SGCD: variants seen among roughly 807,000 people sequenced by gnomAD.
The protein encoded by SGCD is delta-sarcoglycan.
A neutral mutation model predicts 36.6 loss-of-function variants in SGCD; 18 were observed. That is an observed-to-expected ratio of 0.49 (90% CI 0.34 to 0.73). SGCD has a LOEUF of 0.73. SGCD is among the 30% of genes least tolerant of loss of function. The probability of loss-of-function intolerance (pLI) is 0.01; values close to 1 mark genes in which losing one functional copy is unlikely to be tolerated. For synonymous variants in SGCD, 133 were observed against 130.6 expected (o/e 1.02, Z -0.12); for missense variants, 387 against 346.7 (o/e 1.12, Z -0.92).
intron 3 of SGCD, among the ~76,000 whole-genome samples, chr5:156,318,855 C>T (rs992251284): frequency 2.6e-5 from 4 of 152,190 alleles, no homozygotes; most frequent in African/African-American, 9.7e-5. Context: ...CTTGGCCTCC[C>T]AAAGTGCTGG....
chr5:155,815,404 C>T, the SGCD span, among the ~76,000 whole-genome samples: 1,363 of 152,248 alleles, frequency 9.0e-3, 20 homozygotes, highest in African/African-American at 0.031. Flanking sequence ...TATAGTAAAA[C>T]TAAATCCATT....
At chr5:156,682,552 A>C (rs1424729592) in intron 7 of SGCD, among the ~76,000 whole-genome samples, 1 of 152,248 alleles carries the variant, frequency 6.6e-6, no homozygotes, top group African/African-American at 2.4e-5. Flanking sequence ...TTCTGCCGAA[A>C]AGGCAGTATA....
intron 3 of SGCD, among the ~76,000 whole-genome samples, chr5:156,448,647 A>G (rs1753850290): frequency 6.6e-6 from 1 of 151,526 alleles, no homozygotes; most frequent in African/African-American, 2.4e-5. Flanking sequence ...TTCCAGGGAC[A>G]GGCAACTCAT....
chr5:156,468,776 G>A (rs554495634), intron 3 of SGCD, among the ~76,000 whole-genome samples: 1 of 152,306 alleles, frequency 6.6e-6, no homozygotes, highest in East Asian at 1.9e-4. Context: ...TGGATCACTT[G>A]AGGTCAGGAG....
chr5:156,207,288 T>G (rs946653152), intron 3 of SGCD, among the ~76,000 whole-genome samples: 1 of 152,166 alleles, frequency 6.6e-6, no homozygotes, highest in South Asian at 2.1e-4. Context: ...TAGGAAAAAA[T>G]TCAGTAAAAT....
intron 1 of SGCD, among the ~76,000 whole-genome samples, chr5:156,048,032 G>A (rs1403380167): frequency 1.3e-5 from 2 of 151,708 alleles, no homozygotes; most frequent in Non-Finnish European, 2.9e-5. Context: ...TCCATGTGTT[G>A]TCATTGTTCA....
intron 1 of SGCD, among the ~76,000 whole-genome samples, chr5:155,982,461 C>A (rs561090594): frequency 6.6e-5 from 10 of 152,252 alleles, no homozygotes; most frequent in African/African-American, 9.6e-5. Flanking sequence ...TGAAAACATT[C>A]TTTTCCAATC....
chr5:155,981,391 G>A (rs1223740968), intron 1 of SGCD, among the ~76,000 whole-genome samples: 1 of 152,146 alleles, frequency 6.6e-6, no homozygotes, highest in Admixed American at 6.5e-5. Flanking sequence ...GGAATCTATA[G>A]TATAGCAGTA....
intron 1 of SGCD, among the ~76,000 whole-genome samples, chr5:156,019,844 C>G (rs1474672329): frequency 6.6e-6 from 1 of 152,178 alleles, no homozygotes; most frequent in Non-Finnish European, 1.5e-5. Flanking sequence ...TTTTCAAGGC[C>G]TATGAGATAA....
intron 1 of SGCD, among the ~76,000 whole-genome samples, chr5:156,082,798 T>C (rs1326098276): frequency 1.3e-5 from 2 of 152,220 alleles, no homozygotes; most frequent in Non-Finnish European, 2.9e-5. Context: ...CTGGGTCATA[T>C]GGTAGTTGCA....
chr5:155,996,015 C>CA (rs5872445), intron 1 of SGCD, among the ~76,000 whole-genome samples: 341 of 108,806 alleles, frequency 3.1e-3, no homozygotes, highest in African/African-American at 9.6e-3. Context: ...AAAGAACTTA[C>CA]AAAAAAAAAA....
chr5:155,873,519 G>T (rs1043858021), intron 1 of SGCD, among the ~76,000 whole-genome samples: 1 of 152,098 alleles, frequency 6.6e-6, no homozygotes, highest in Non-Finnish European at 1.5e-5. Context: ...ATGTAGACTT[G>T]GAAGGGTGCC....
At chr5:156,112,730 A>C (rs1388647838) in intron 1 of SGCD, among the ~76,000 whole-genome samples, 4 of 152,120 alleles carry the variant, frequency 2.6e-5, no homozygotes, top group Non-Finnish European at 4.4e-5. Flanking sequence ...ACGGCCATTT[A>C]AGTTTGTAGA....
At chr5:156,558,231 TTTGGC>T in intron 4 of SGCD, among the ~76,000 whole-genome samples, 1 of 151,456 alleles carries the variant, frequency 6.6e-6, no homozygotes, top group East Asian at 1.9e-4. Context: ...GCTCTGAGTC[TTTGGC>T]CAAGTTACTT....
intron 1 of SGCD, among the ~76,000 whole-genome samples, chr5:155,922,049 C>T (rs773717288): frequency 1.8e-4 from 27 of 152,140 alleles, no homozygotes; most frequent in Non-Finnish European, 3.8e-4. Context: ...AAATTAATTT[C>T]TTTTTTGAAG....
intron 3 of SGCD, among the ~76,000 whole-genome samples, chr5:156,314,365 A>G (rs186235937): frequency 1.8e-4 from 28 of 152,240 alleles, no homozygotes; most frequent in African/African-American, 6.3e-4. Flanking sequence ...GGCAGGGCAT[A>G]AAGTAAATAC....
chr5:156,412,455 T>G (rs1772812765), intron 3 of SGCD, among the ~76,000 whole-genome samples: 1 of 152,228 alleles, frequency 6.6e-6, no homozygotes, highest in African/African-American at 2.4e-5. Context: ...TTGAGAATAT[T>G]CTTTGTGCCC....
At chr5:155,845,329 G>A in the SGCD span, 1 of 152,026 alleles carries the variant, frequency 6.6e-6, no homozygotes. Context: ...TTGGTCATTT[G>A]ATGATGACAG....
intron 3 of SGCD, among the ~76,000 whole-genome samples, chr5:156,155,458 A>C (rs1762934256): frequency 6.6e-6 from 1 of 151,492 alleles, no homozygotes; most frequent in African/African-American, 2.5e-5. Flanking sequence ...ATGTTGACTT[A>C]AATGTTATAA....
Sources: allele counts gnomAD v4.1 joint callset (sites outside exome capture counted in the v4.1 genomes callset), GRCh38; gene constraint gnomAD v4.1.1; transcripts MANE v1.5; gene names NCBI Gene and HGNC (gene_info 2026-07-23, HGNC 2026-07-21).